Variants in HSP90AA1 observed in about 807,000 individuals in gnomAD.
HSP90AA1 encodes heat shock protein 90 alpha family class A member 1, also known as heat shock protein HSP 90-alpha.
HSP90AA1 carries 18 observed loss-of-function variants against 73.3 expected under a neutral mutation model. The observed-to-expected ratio is 0.25, with a 90% CI of 0.17 to 0.36. The LOEUF is 0.36. Ranked by LOEUF, HSP90AA1 falls within the 10% of genes least tolerant of loss-of-function variation. The pLI, the probability that HSP90AA1 is intolerant of heterozygous loss-of-function variation, is 1.00. For missense variants in HSP90AA1, 704 were observed against 874.2 expected (o/e 0.81, Z 2.45); for synonymous variants, 477 against 296.9 (o/e 1.61, Z -6.24).
At chr14:102,086,866 G>A in intron 1 of HSP90AA1, 120 bp downstream of exon 1, 3 of 507,128 alleles carry the variant, frequency 5.9e-6, no homozygotes, top group Non-Finnish European at 7.6e-6. Context: ...CGGCCGCCCG[G>A]GAGCGCGGCC....
chr14:102,087,088 C>A (rs1477001790), upstream of HSP90AA1: 106 of 984,424 alleles, frequency 1.1e-4, no homozygotes, highest in Non-Finnish European at 1.3e-4. Context: ...ACGGGCCCGC[C>A]CAGCGCGCGG....
intron 1 of HSP90AA1, among the ~76,000 whole-genome samples, chr14:102,127,015 G>A (rs1404336159): frequency 1.3e-5 from 2 of 149,828 alleles, no homozygotes; most frequent in African/African-American, 4.9e-5. Flanking sequence ...ATGCTGATGA[G>A]GCTCTTCAGA....
chr14:102,111,782 G>A (rs1467023515), intron 1 of HSP90AA1, among the ~76,000 whole-genome samples: 4 of 152,158 alleles, frequency 2.6e-5, no homozygotes, highest in Admixed American at 6.6e-5. Flanking sequence ...GCCTGGCACT[G>A]CCTCTAGGCA....
intron 1 of HSP90AA1, among the ~76,000 whole-genome samples, chr14:102,134,684 C>T (rs891727919): frequency 6.6e-6 from 1 of 152,098 alleles, no homozygotes; most frequent in African/African-American, 2.4e-5. Context: ...GGCTCGTGGT[C>T]TTGCTGGCTT....
intron 1 of HSP90AA1, among the ~76,000 whole-genome samples, chr14:102,102,601 G>C (rs1312297985): frequency 6.6e-6 from 1 of 152,204 alleles, no homozygotes; most frequent in Non-Finnish European, 1.5e-5. Context: ...CGAGTTCCCT[G>C]TTCCACACTC....
At chr14:102,091,629 A>C (rs985291045), upstream of HSP90AA1, among the ~76,000 whole-genome samples, 1 of 148,298 alleles carries the variant, frequency 6.7e-6, no homozygotes. Flanking sequence ...GTCTCAAAAA[A>C]ACAAACAAAC....
Position 102,085,738 on chromosome 14 carries a change from G to T in HSP90AA1, c.529+20C>A. On this transcript the variant is annotated intron_variant, in intron 3 of 10. Coordinates refer to ENST00000216281, the MANE Select transcript of HSP90AA1 (RefSeq NM_005348.4). ...CACCCTTCCACCGCTCACTTAACCA[G>T]TGAATGTTCAGGTGCCTACCTGTGT... is the stretch of plus-strand genomic sequence containing the variant. 7 of 1,613,932 alleles carry T rather than the reference G, an allele frequency of 4.3e-6. No individual in the cohort carries two copies. Among genetic ancestry groups the T allele is most frequent in the Non-Finnish European group, 5.9e-6 (7 of 1,179,864 alleles).
chr14:102,139,196 C>T (rs1019468316), intron 1 of HSP90AA1: 8 of 1,604,086 alleles, frequency 5.0e-6, no homozygotes, highest in African/African-American at 1.3e-5. Context: ...TTCTCTCCCC[C>T]TACCCCGCCT....
At position 102,085,375 on chromosome 14, in the gene HSP90AA1, CA is replaced by C; in HGVS notation, c.585del (p.Glu196SerfsTer8). The C allele has an allele frequency of 6.2e-7, 1 of 1,613,042 alleles. No homozygotes were observed. The highest frequency in any genetic ancestry group is 8.5e-7 in the Non-Finnish European group (1 of 1,179,014). ...KVILHLKEDQ[T>X]EYLEERRIKE... ...TTTATTCTTCGTTCCTCCAAGTACT[CA>C]GTTTGGTCTTCTTTCAGGTGTAGGA... On this transcript the variant is annotated frameshift_variant, in exon 4 of 11. Transcript: ENST00000216281. LOFTEE classifies it high-confidence loss of function.
intron 9 of HSP90AA1, chr14:102,082,821 C>T (rs1436207084): frequency 6.2e-5 from 36 of 578,658 alleles, no homozygotes; most frequent in Non-Finnish European, 9.9e-5. Flanking sequence ...TGAGTTTCAC[C>T]GTGTTAGCCA....
intron 1 of HSP90AA1, among the ~76,000 whole-genome samples, chr14:102,111,047 G>A (rs10142352): frequency 0.027 from 4,164 of 152,290 alleles, 194 homozygotes; most frequent in African/African-American, 0.094. Context: ...GGGAAGCAGA[G>A]CATAAAAGTT....
rs1288876667 is a variant in HSP90AA1 at position 102,100,074 on chromosome 14, G to A, written c.366+1801C>T. 4.6e-5 allele frequency among the ~76,000 whole-genome samples: 7 copies of A among 152,142 alleles called. No individual in the cohort carries two copies. In the East Asian group the frequency reaches 9.7e-4, roughly 21 times the overall value. On this transcript the variant is annotated intron_variant, in intron 2 of 11. Coordinates refer to the HSP90AA1 transcript ENST00000334701. The stretch of plus-strand genomic sequence containing the variant: ...GTGGTGGCATGCGCCTGTGGTCTCA[G>A]CTAACTGGGAGGCTGAGCAGGGAGG...
intron 1 of HSP90AA1, among the ~76,000 whole-genome samples, chr14:102,113,362 T>C (rs2049666085): frequency 6.6e-6 from 1 of 151,072 alleles, no homozygotes; most frequent in Non-Finnish European, 1.5e-5. Flanking sequence ...CTCTCTTTCT[T>C]TCTTTAATTA....
At chr14:102,085,707 G>A (rs371171581) in intron 3 of HSP90AA1, 51 bp downstream of exon 3, 189 of 1,611,948 alleles carry the variant, frequency 1.2e-4, no homozygotes, top group Non-Finnish European at 1.4e-4. Flanking sequence ...AAGGGTTGCA[G>A]CACCCCACCC....
At chr14:102,094,454 C>T (rs8020302) in intron 2 of HSP90AA1, among the ~76,000 whole-genome samples, 2,441 of 152,258 alleles carry the variant, frequency 0.016, 72 homozygotes, top group African/African-American at 0.056. Flanking sequence ...GACTTAGAAA[C>T]TCTTGAAGAG....
intron 2 of HSP90AA1, among the ~76,000 whole-genome samples, chr14:102,096,368 C>T (rs996746148): frequency 5.3e-5 from 8 of 152,192 alleles, no homozygotes; most frequent in Non-Finnish European, 1.0e-4. Context: ...GCTAAGTGCA[C>T]TCAGGGCCCC....
chr14:102,097,322 TAAA>T (rs5811055), intron 2 of HSP90AA1, among the ~76,000 whole-genome samples: 3 of 143,418 alleles, frequency 2.1e-5, no homozygotes, highest in African/African-American at 2.6e-5. Flanking sequence ...AATGGAGGGT[TAAA>T]AAAAAAAAAA....
At chr14:102,129,319 A>AT (rs1193801647) in intron 1 of HSP90AA1, among the ~76,000 whole-genome samples, 3 of 150,962 alleles carry the variant, frequency 2.0e-5, no homozygotes, top group Non-Finnish European at 3.0e-5. Context: ...GCTAGGTTTG[A>AT]TTTTTTTTAA....
At position 102,097,019 on chromosome 14, in the gene HSP90AA1, G is replaced by A. The variant is rs367656037; in HGVS notation, c.366+4856C>T. Among the ~76,000 whole-genome samples, 9 of 151,692 alleles carry A rather than the reference G, an allele frequency of 5.9e-5. 1 individual carries two copies. Among genetic ancestry groups the A allele is most frequent in the Non-Finnish European group, 2.9e-5 (2 of 67,968 alleles). ...TTTTTTTTTCTTGAGACACAGTCTC[G>A]CTCTGTCGCCCAGGCTGGAGTGCAG... On this transcript the variant is annotated intron_variant, in intron 2 of 11. Transcript: ENST00000334701.
Sources: allele counts gnomAD v4.1 joint callset (sites outside exome capture counted in the v4.1 genomes callset), GRCh38; gene constraint gnomAD v4.1.1; transcripts MANE v1.5; gene names NCBI Gene and HGNC (gene_info 2026-07-23, HGNC 2026-07-21).